TSHZ2: variants seen among roughly 807,000 people sequenced by gnomAD.
The protein encoded by TSHZ2 is teashirt homolog 2.
In TSHZ2, 21 loss-of-function variants were observed where a neutral mutation model predicts 74.4. That is an observed-to-expected ratio of 0.28 (90% confidence interval 0.20 to 0.41). The LOEUF (loss-of-function observed/expected upper bound fraction) is 0.41, where lower values mean the gene tolerates loss of function less well. Among genes scored for constraint, TSHZ2 ranks in the 10% least tolerant of loss-of-function variants. The pLI is 1.00. For synonymous variants in TSHZ2, 540 were observed against 515.3 expected, an observed-to-expected ratio of 1.05 and a Z score of -0.65; for missense variants, 1,244 against 1,293.5, an observed-to-expected ratio of 0.96 and a Z score of 0.59.
chr20:53,416,099 T>C (rs936051094), intron 2 of TSHZ2, among the ~76,000 whole-genome samples: 1 of 151,864 alleles, frequency 6.6e-6, no homozygotes, highest in Non-Finnish European at 1.5e-5. Context: ...GAAGGGCAGG[T>C]GGGTGGTGGA....
intron 2 of TSHZ2, among the ~76,000 whole-genome samples, chr20:53,347,520 C>T (rs1450756089): frequency 6.6e-6 from 1 of 152,182 alleles, no homozygotes; most frequent in Non-Finnish European, 1.5e-5. Flanking sequence ...TTCAACTTCT[C>T]CCTTTTCCAA....
intron 1 of TSHZ2, among the ~76,000 whole-genome samples, chr20:52,978,253 G>A (rs1221114466): frequency 6.6e-6 from 1 of 152,124 alleles, no homozygotes; most frequent in Non-Finnish European, 1.5e-5. Flanking sequence ...GACTGAGCCT[G>A]GCATTTTTTA....
chr20:53,069,079 A>C (rs936822613), intron 1 of TSHZ2, among the ~76,000 whole-genome samples: 2 of 152,162 alleles, frequency 1.3e-5, no homozygotes, highest in African/African-American at 4.8e-5. Context: ...TTATTATTTA[A>C]CCACTGCACA....
At chr20:53,105,653 T>C (rs922766779) in intron 1 of TSHZ2, among the ~76,000 whole-genome samples, 69 of 151,988 alleles carry the variant, frequency 4.5e-4, no homozygotes, top group Non-Finnish European at 1.3e-4. Flanking sequence ...TATTTTTATT[T>C]ATTAATTTTT....
At chr20:53,289,115 C>T (rs6063926) in intron 2 of TSHZ2, among the ~76,000 whole-genome samples, 10,152 of 152,246 alleles carry the variant, frequency 0.067, 423 homozygotes, top group Middle Eastern at 0.12. Context: ...TGGTCTCCAA[C>T]TCATCCAGAT....
intron 1 of TSHZ2, among the ~76,000 whole-genome samples, chr20:53,203,777 T>G (rs1406824824): frequency 1.3e-5 from 2 of 152,082 alleles, no homozygotes; most frequent in Non-Finnish European, 1.5e-5. Context: ...GTTTTAAAAC[T>G]GCATGTCCCA....
chr20:53,213,546 C>G (rs893479642), intron 1 of TSHZ2, among the ~76,000 whole-genome samples: 1 of 151,570 alleles, frequency 6.6e-6, no homozygotes, highest in Non-Finnish European at 1.5e-5. Context: ...ATGGGTAAAG[C>G]GAGGCTGCAC....
chr20:53,208,916 G>A (rs1322334347), intron 1 of TSHZ2, among the ~76,000 whole-genome samples: 1 of 152,164 alleles, frequency 6.6e-6, no homozygotes, highest in East Asian at 1.9e-4. Context: ...GCTGATCCCA[G>A]AGAGCCTCTA....
intron 1 of TSHZ2, among the ~76,000 whole-genome samples, chr20:53,004,765 A>G (rs1982577751): frequency 6.6e-6 from 1 of 152,184 alleles, no homozygotes; most frequent in Non-Finnish European, 1.5e-5. Context: ...GTTTAATCTG[A>G]GTGGTTCAAT....
At chr20:53,061,026 T>C (rs1984804958) in intron 1 of TSHZ2, among the ~76,000 whole-genome samples, 1 of 152,246 alleles carries the variant, frequency 6.6e-6, no homozygotes, top group Non-Finnish European at 1.5e-5. Context: ...CAATGATAAG[T>C]ACCTTACCGG....
chr20:53,209,720 G>C (rs1354742715), intron 1 of TSHZ2, among the ~76,000 whole-genome samples: 1 of 152,156 alleles, frequency 6.6e-6, no homozygotes, highest in East Asian at 1.9e-4. Context: ...AGCTGGTTTG[G>C]AGCCGAGCTG....
At chr20:53,147,673 C>T (rs1217748276) in intron 1 of TSHZ2, among the ~76,000 whole-genome samples, 2 of 152,314 alleles carry the variant, frequency 1.3e-5, no homozygotes, top group African/African-American at 4.8e-5. Context: ...TCCATCATAT[C>T]TATGCATAAG....
chr20:53,209,034 C>A (rs1010953251), intron 1 of TSHZ2, among the ~76,000 whole-genome samples: 4 of 152,172 alleles, frequency 2.6e-5, no homozygotes, highest in Non-Finnish European at 5.9e-5. Context: ...AAATCAGCTT[C>A]TTTGCATGTG....
At chr20:53,409,829 C>CT (rs1982982968) in intron 2 of TSHZ2, among the ~76,000 whole-genome samples, 1 of 47,652 alleles carries the variant, frequency 2.1e-5, no homozygotes, top group Non-Finnish European at 4.5e-5. Context: ...TCTTTGTTTT[C>CT]TTTTCTTTTT....
rs146845423 is a variant in TSHZ2, at chr20:53,038,908, G to GTTTGTTTGT, written c.40+65578_40+65579insGTTTGTTTT. Among the ~76,000 whole-genome samples, 9 of 148,004 alleles carry GTTTGTTTGT rather than the reference G, an allele frequency of 6.1e-5. No homozygotes were observed. In the South Asian group the frequency reaches 6.5e-4, roughly 11 times the overall value. On this transcript the variant is annotated intron_variant, in intron 1 of 2. Transcript: ENST00000371497. ...GTTTTGTTTGTTTGTTTGTTTGTTTGTTTTTGAGATGGAGTTTCACTCTTG... is the reference window on the plus strand; with the variant it reads ...GTTTTGTTTGTTTGTTTGTTTGTTTGTTTGTTTGTTTTTTGAGATGGAGTTTCACTCTTG...
At chr20:53,198,768 C>T (rs1441320408) in intron 1 of TSHZ2, among the ~76,000 whole-genome samples, 2 of 152,186 alleles carry the variant, frequency 1.3e-5, no homozygotes, top group East Asian at 3.8e-4. Flanking sequence ...CTTATTCCGA[C>T]TTGGGATTCA....
intron 1 of TSHZ2, among the ~76,000 whole-genome samples, chr20:53,238,888 A>C (rs1365389897): frequency 6.6e-6 from 1 of 151,132 alleles, no homozygotes; most frequent in Non-Finnish European, 1.5e-5. Flanking sequence ...TTTAACATCA[A>C]GGGGGAAGGG....
chr20:53,055,341 G>A (rs1984605276), intron 1 of TSHZ2, among the ~76,000 whole-genome samples: 2 of 152,176 alleles, frequency 1.3e-5, no homozygotes, highest in South Asian at 2.1e-4. Context: ...TCCAGGTTCA[G>A]AGTTAGGAGA....
intron 1 of TSHZ2, among the ~76,000 whole-genome samples, chr20:53,160,069 A>G (rs541660148): frequency 6.6e-6 from 1 of 152,300 alleles, no homozygotes; most frequent in Non-Finnish European, 1.5e-5. Flanking sequence ...CACATATGAA[A>G]AGGCCCAGTG....
Sources: allele counts gnomAD v4.1 joint callset (sites outside exome capture counted in the v4.1 genomes callset), GRCh38; gene constraint gnomAD v4.1.1; transcripts MANE v1.5; gene names NCBI Gene and HGNC (gene_info 2026-07-23, HGNC 2026-07-21).